Variants in GDPD4 observed in about 807,000 individuals in gnomAD.
The protein encoded by GDPD4 is glycerophosphodiester phosphodiesterase domain containing 4.
GDPD4 carries 60 observed loss-of-function variants against 67.8 expected under a neutral mutation model. The ratio of observed to expected loss-of-function variants is 0.88; its 90% CI spans 0.72 to 1.10. GDPD4 has a LOEUF of 1.10. GDPD4 is among the 50% of genes least tolerant of loss of function. The pLI is 0.00. For missense variants in GDPD4, 623 were observed against 613.9 expected (o/e 1.01, Z -0.16); for synonymous variants, 212 against 210.9 (o/e 1.00, Z -0.04).
intron 10 of GDPD4, among the ~76,000 whole-genome samples, chr11:77,267,810 A>G (rs1959185157): frequency 6.6e-6 from 1 of 152,108 alleles, no homozygotes; most frequent in Admixed American, 6.6e-5. Flanking sequence ...AGCTTTTCAG[A>G]ATGAATTCCC....
intron 13 of GDPD4, among the ~76,000 whole-genome samples, chr11:77,235,430 T>C (rs1187825695): frequency 1.3e-5 from 2 of 152,126 alleles, no homozygotes; most frequent in African/African-American, 4.8e-5. Flanking sequence ...TTAAGACTTA[T>C]TATATAGCTA....
intron 1 of GDPD4, among the ~76,000 whole-genome samples, chr11:77,293,803 T>C (rs941168886): frequency 6.6e-6 from 1 of 152,196 alleles, no homozygotes; most frequent in Non-Finnish European, 1.5e-5. Flanking sequence ...TAGTGAAAGA[T>C]TGATTGCTTT....
intron 16 of GDPD4, 49 bp from the exon 17 acceptor site, chr11:77,217,363 T>C (rs779780227): frequency 2.1e-6 from 3 of 1,403,178 alleles, no homozygotes; most frequent in Non-Finnish European, 3.0e-6. Flanking sequence ...TTCTCCACTC[T>C]CTGTCAGTCA....
intron 5 of GDPD4, among the ~76,000 whole-genome samples, chr11:77,274,733 C>CA (rs1480961657): frequency 6.6e-6 from 1 of 152,142 alleles, no homozygotes; most frequent in Non-Finnish European, 1.5e-5. Flanking sequence ...TTAAGGGGAC[C>CA]ACTCAAGAGT....
chr11:77,228,347 A>T (rs111850728), intron 15 of GDPD4, among the ~76,000 whole-genome samples: 2,528 of 151,858 alleles, frequency 0.017, 24 homozygotes, highest in African/African-American at 0.026. Context: ...AAATATTTTT[A>T]AAAAAAATTA....
intron 3 of GDPD4, among the ~76,000 whole-genome samples, chr11:77,281,641 C>T (rs1398575486): frequency 1.3e-5 from 2 of 152,150 alleles, no homozygotes; most frequent in Admixed American, 6.5e-5. Flanking sequence ...GGCTGAGGTA[C>T]AGGAAGCTCT....
Position 77,245,547 on chromosome 11 carries a change from TCTC to T in GDPD4, c.865-48_865-46del, listed in dbSNP as rs560582923. 3,107 of 1,360,850 alleles carry T rather than the reference TCTC, an allele frequency of 2.3e-3. 43 individuals are homozygous for T. Among genetic ancestry groups the T allele is most frequent in the East Asian group, 0.014 (610 of 43,314 alleles). 84.3% of individuals were successfully genotyped at this position (1,360,850 alleles called of 1,614,324 possible). On this transcript the variant is annotated intron_variant, in intron 11 of 16. Transcript: ENST00000315938. ...AAAATACATAAAAGCACTTTCCAGT[TCTC>T]CTACTATGTAGCCACACATCCAGCT... is the stretch of plus-strand genomic sequence containing the variant.
At chr11:77,264,421 A>G (rs950188887) in intron 10 of GDPD4, among the ~76,000 whole-genome samples, 7 of 152,090 alleles carry the variant, frequency 4.6e-5, no homozygotes, top group Admixed American at 6.6e-5. Context: ...ATTATCACAA[A>G]TCTCAAAAAT....
chr11:77,217,762 A>AAATT (rs1227763941), intron 16 of GDPD4, among the ~76,000 whole-genome samples: 1 of 152,228 alleles, frequency 6.6e-6, no homozygotes, highest in Non-Finnish European at 1.5e-5. Flanking sequence ...ACAGAAAAAA[A>AAATT]AATTAGATGG....
chr11:77,280,443 A>T (rs1472706217), intron 3 of GDPD4, among the ~76,000 whole-genome samples: 1 of 151,994 alleles, frequency 6.6e-6, no homozygotes, highest in African/African-American at 2.4e-5. Flanking sequence ...AAAACATGAA[A>T]TCTGGCCTTA....
chr11:77,225,067 A>G (rs76421821), intron 16 of GDPD4, among the ~76,000 whole-genome samples: 2,618 of 152,062 alleles, frequency 0.017, 79 homozygotes, highest in African/African-American at 0.059. Context: ...TCATGCCACT[A>G]TACTCCAGAC....
chr11:77,243,641 AT>A, intron 13 of GDPD4, 52 bp downstream of exon 13: 1 of 1,457,466 alleles, frequency 6.9e-7, no homozygotes, highest in Non-Finnish European at 9.6e-7. Flanking sequence ...TAGAATGTGT[AT>A]TTTGTGTAAG....
chr11:77,241,340 A>G (rs78304374), intron 13 of GDPD4, among the ~76,000 whole-genome samples: 11,442 of 152,252 alleles, frequency 0.075, 637 homozygotes, highest in Admixed American at 0.17. Context: ...AGAAAGACAA[A>G]TACCACATGG....
chr11:77,257,930 T>C (rs1334216315), intron 11 of GDPD4, among the ~76,000 whole-genome samples: 1 of 152,222 alleles, frequency 6.6e-6, no homozygotes, highest in Non-Finnish European at 1.5e-5. Flanking sequence ...GTCTGTTTCT[T>C]ATACTAGCCT....
chr11:77,224,700 C>A (rs1392357789), intron 16 of GDPD4, among the ~76,000 whole-genome samples: 7 of 152,128 alleles, frequency 4.6e-5, no homozygotes, highest in African/African-American at 1.7e-4. Flanking sequence ...CAATTGATAC[C>A]CTGTAAAGAG....
At chr11:77,279,621 A>G (rs1169114352) in intron 3 of GDPD4, among the ~76,000 whole-genome samples, 1 of 151,938 alleles carries the variant, frequency 6.6e-6, no homozygotes, top group Non-Finnish European at 1.5e-5. Flanking sequence ...ACGCAGTAGG[A>G]TCTTAAGTTA....
At chr11:77,292,714 T>C (rs1937820239) in intron 1 of GDPD4, among the ~76,000 whole-genome samples, 1 of 151,860 alleles carries the variant, frequency 6.6e-6, no homozygotes, top group Non-Finnish European at 1.5e-5. Context: ...ATTAAGGAGA[T>C]TAAACAAGAG....
intron 1 of GDPD4, among the ~76,000 whole-genome samples, chr11:77,289,249 A>C (rs911108155): frequency 4.0e-5 from 6 of 151,558 alleles, no homozygotes; most frequent in Admixed American, 6.6e-5. Context: ...TGTAATCCCA[A>C]GTACTTGGGA....
Position 77,233,091 on chromosome 11 carries a change from C to G in GDPD4, c.1323G>C (p.Arg441Ser). 3 of 1,614,042 alleles carry G rather than the reference C, an allele frequency of 1.9e-6. No individual in the cohort carries two copies. The highest frequency in any genetic ancestry group is 2.5e-6 in the Non-Finnish European group (3 of 1,179,948). ...TGTTGTCTGTGGTCACTGAGTTAAT[C>G]CTGGAGCACCAGGCCAGTGAGAAAA... ...PWLFSLAWCS[R>S]INSVTTDNIG... The change falls in exon 14 of 17, where the codon AGG (arginine) becomes AGC (serine). Residue 441 changes from arginine (R) to serine (S), a missense_variant. Physicochemically the swap from Arg to Ser is moderately radical, Grantham distance 110. Coordinates refer to ENST00000315938, the MANE Select transcript of GDPD4 (RefSeq NM_182833.3).
Sources: gnomAD v4.1 joint callset for allele counts (sites outside exome capture counted in the v4.1 genomes callset) on GRCh38, gnomAD v4.1.1 for gene constraint, MANE v1.5 for transcripts, NCBI Gene and HGNC (gene_info 2026-07-23, HGNC 2026-07-21) for gene names.